SPAG16: variants seen among roughly 807,000 people sequenced by gnomAD.
SPAG16 encodes sperm-associated antigen 16 protein.
A neutral mutation model predicts 80.4 loss-of-function variants in SPAG16; 86 were observed. That is an observed-to-expected ratio of 1.07 (90% confidence interval 0.90 to 1.28). The LOEUF is 1.28. SPAG16 is among the 50% of genes most tolerant of loss of function. The pLI is 0.00. For missense variants in SPAG16, 870 were observed against 765.3 expected (o/e 1.14, Z -1.61); for synonymous variants, 294 against 265.9 (o/e 1.11, Z -1.03).
chr2:214,392,581 C>T (rs1701150792), intron 15 of SPAG16, among the ~76,000 whole-genome samples: 1 of 151,732 alleles, frequency 6.6e-6, no homozygotes, highest in Admixed American at 6.6e-5. Flanking sequence ...TCAAAATCAT[C>T]AAAATGAATT....
At chr2:213,486,530 C>T (rs761047946) in intron 9 of SPAG16, among the ~76,000 whole-genome samples, 1 of 152,046 alleles carries the variant, frequency 6.6e-6, no homozygotes, top group Admixed American at 6.5e-5. Flanking sequence ...TTTGCAGCAA[C>T]ATGGATGGAA....
chr2:213,716,058 A>C (rs903255113), intron 10 of SPAG16, among the ~76,000 whole-genome samples: 1 of 152,044 alleles, frequency 6.6e-6, no homozygotes, highest in Non-Finnish European at 1.5e-5. Flanking sequence ...AATTTTCTAC[A>C]TTTTTATTTT....
At chr2:214,252,303 T>A (rs1183561139) in intron 15 of SPAG16, among the ~76,000 whole-genome samples, 6 of 152,066 alleles carry the variant, frequency 3.9e-5, no homozygotes, top group African/African-American at 1.4e-4. Flanking sequence ...ATTTTAATTT[T>A]TTATTATTAT....
intron 10 of SPAG16, among the ~76,000 whole-genome samples, chr2:213,610,626 G>A (rs865813729): frequency 7.2e-5 from 11 of 152,074 alleles, no homozygotes; most frequent in East Asian, 1.9e-4. Context: ...AGAATTCAGC[G>A]CAAGTCTGCA....
At chr2:213,926,665 G>A (rs983742878) in intron 11 of SPAG16, among the ~76,000 whole-genome samples, 21 of 150,960 alleles carry the variant, frequency 1.4e-4, no homozygotes, top group East Asian at 7.7e-4. Context: ...ACCTTACGTC[G>A]TTTGATCTTT....
At chr2:213,507,609 G>A (rs2075017836) in intron 10 of SPAG16, among the ~76,000 whole-genome samples, 1 of 152,178 alleles carries the variant, frequency 6.6e-6, no homozygotes, top group Admixed American at 6.5e-5. Context: ...ACCTGAGACA[G>A]GGCCTTATCA....
At chr2:213,335,067 T>G (rs561382074) in intron 5 of SPAG16, among the ~76,000 whole-genome samples, 2 of 152,206 alleles carry the variant, frequency 1.3e-5, no homozygotes, top group African/African-American at 4.8e-5. Flanking sequence ...TATATACATC[T>G]ACTATGTACC....
At chr2:213,873,354 C>G (rs552142881) in intron 11 of SPAG16, among the ~76,000 whole-genome samples, 3 of 151,524 alleles carry the variant, frequency 2.0e-5, no homozygotes, top group Non-Finnish European at 4.4e-5. Context: ...GGTAATGATG[C>G]CTTTATATAA....
At chr2:214,101,962 T>C (rs578037022) in intron 13 of SPAG16, among the ~76,000 whole-genome samples, 6 of 152,250 alleles carry the variant, frequency 3.9e-5, no homozygotes, top group Non-Finnish European at 5.9e-5. Context: ...AATGGGTGAA[T>C]ATGCTCCCGG....
Position 214,172,622 on chromosome 2 carries a change from G to A in SPAG16, c.1720+23356G>A, listed in dbSNP as rs531093008. Among the ~76,000 whole-genome samples the A allele has an allele frequency of 3.9e-5, 6 of 152,130 alleles. No homozygotes were observed. In the South Asian group the frequency reaches 1.2e-3, roughly 32 times the overall value. On this transcript the variant is annotated intron_variant, in intron 15 of 15. Transcript: ENST00000331683. Reference sequence around the variant, plus strand: ...GTCCTTTGGGTATATACCCAGTAGTGGGATGGCTGGGTCAAATGGTATTTC... The same window carrying A: ...GTCCTTTGGGTATATACCCAGTAGTAGGATGGCTGGGTCAAATGGTATTTC...
intron 9 of SPAG16, among the ~76,000 whole-genome samples, chr2:213,452,506 A>G (rs1476008347): frequency 6.6e-6 from 1 of 152,226 alleles, no homozygotes; most frequent in Non-Finnish European, 1.5e-5. Context: ...AACTAACCCT[A>G]GTCAAATCAC....
chr2:214,300,430 A>C (rs1288805516), intron 15 of SPAG16, among the ~76,000 whole-genome samples: 1 of 152,148 alleles, frequency 6.6e-6, no homozygotes, highest in African/African-American at 2.4e-5. Flanking sequence ...TTTTAATGAG[A>C]GTGCTAGAAG....
intron 10 of SPAG16, among the ~76,000 whole-genome samples, chr2:213,545,608 C>T (rs371616302): frequency 3.3e-5 from 5 of 151,628 alleles, no homozygotes; most frequent in Admixed American, 6.6e-5. Flanking sequence ...TACATTGAAA[C>T]GTGATCAATT....
intron 10 of SPAG16, among the ~76,000 whole-genome samples, chr2:213,733,066 A>G (rs1291363272): frequency 6.6e-6 from 1 of 152,170 alleles, no homozygotes; most frequent in Non-Finnish European, 1.5e-5. Flanking sequence ...ACTAATAGCC[A>G]TTCTGACTGG....
chr2:213,378,364 C>T (rs1319683977), intron 9 of SPAG16, among the ~76,000 whole-genome samples: 1 of 152,190 alleles, frequency 6.6e-6, no homozygotes, highest in Admixed American at 6.5e-5. Flanking sequence ...TGAACCCATA[C>T]ATATCTGCTG....
At chr2:213,398,625 C>T (rs978400171) in intron 9 of SPAG16, among the ~76,000 whole-genome samples, 1 of 152,128 alleles carries the variant, frequency 6.6e-6, no homozygotes, top group African/African-American at 2.4e-5. Flanking sequence ...CAAATGTTCC[C>T]TTTTCAGAGA....
rs540487798 is a variant in SPAG16 at position 214,188,349 on chromosome 2, G to C, written c.1720+39083G>C. ...TACATTCCACACATTTATAAAGCAA[G>C]TACCATTTGCCAAGCACTGTATTAC... On this transcript the variant is annotated intron_variant, in intron 15 of 15. Coordinates refer to ENST00000331683, the MANE Select transcript of SPAG16 (RefSeq NM_024532.5). Among the ~76,000 whole-genome samples, 4 of 152,128 alleles carry C rather than the reference G, an allele frequency of 2.6e-5. No homozygotes were observed. The East Asian group carries it at 7.7e-4, about 29-fold the overall frequency.
chr2:214,294,265 G>A (rs555179533), intron 15 of SPAG16, among the ~76,000 whole-genome samples: 4 of 152,340 alleles, frequency 2.6e-5, no homozygotes, highest in African/African-American at 9.6e-5. Context: ...TGGCAGGAAT[G>A]TGGAGCCCTG....
chr2:213,295,261 C>G (rs980866335), intron 1 of SPAG16, among the ~76,000 whole-genome samples: 13 of 152,024 alleles, frequency 8.6e-5, no homozygotes, highest in Admixed American at 5.9e-4. Flanking sequence ...ACAACAACAA[C>G]AAGCATTGCT....
Sources: gnomAD v4.1 joint callset for allele counts (sites outside exome capture counted in the v4.1 genomes callset) on GRCh38, gnomAD v4.1.1 for gene constraint, MANE v1.5 for transcripts, NCBI Gene and HGNC (gene_info 2026-07-23, HGNC 2026-07-21) for gene names.